FAM135A: variants seen among roughly 807,000 people sequenced by gnomAD.
FAM135A encodes family with sequence similarity 135 member A.
FAM135A carries 79 observed loss-of-function variants against 146.8 expected under a neutral mutation model. The observed-to-expected ratio is 0.54, with a 90% CI of 0.45 to 0.65. FAM135A has a LOEUF of 0.65. FAM135A is among the 30% of genes least tolerant of loss of function. FAM135A has a pLI of 0.00. For synonymous variants in FAM135A, 562 were observed against 603.6 expected, an observed-to-expected ratio of 0.93 and a Z score of 1.01; for missense variants, 1,623 against 1,758.2, an observed-to-expected ratio of 0.92 and a Z score of 1.38.
chr6:70,476,621 T>C (rs567681184), intron 7 of FAM135A, among the ~76,000 whole-genome samples: 1 of 152,262 alleles, frequency 6.6e-6, no homozygotes, highest in East Asian at 1.9e-4. Flanking sequence ...TAATTGGATA[T>C]AATTTTCATG....
At chr6:70,538,541 A>T (rs892246333) in intron 20 of FAM135A, 140 bp downstream of exon 20, 1 of 434,808 alleles carries the variant, frequency 2.3e-6, no homozygotes, top group African/African-American at 2.0e-5. Flanking sequence ...ATAATGAAAC[A>T]GCAAACTCAG....
At chr6:70,435,069 G>T (rs1177426334) in intron 4 of FAM135A, among the ~76,000 whole-genome samples, 1 of 60,032 alleles carries the variant, frequency 1.7e-5, no homozygotes, top group East Asian at 3.4e-4. Context: ...ATACGTGTGT[G>T]TGTGTGTGTG....
At chr6:70,532,884 A>T (rs527875290) in intron 16 of FAM135A, among the ~76,000 whole-genome samples, 1 of 152,214 alleles carries the variant, frequency 6.6e-6, no homozygotes, top group East Asian at 1.9e-4. Context: ...GTGAGTCGAG[A>T]TCATGCCACT....
At chr6:70,557,056 A>C (rs1037215543) in intron 21 of FAM135A, 193 bp downstream of exon 21, 4 of 581,068 alleles carry the variant, frequency 6.9e-6, no homozygotes, top group African/African-American at 5.6e-5. Context: ...CAATGAAGTA[A>C]TACTTTCATC....
chr6:70,486,088 TAAC>T (rs1177126789), intron 10 of FAM135A: 17 of 1,231,536 alleles, frequency 1.4e-5, no homozygotes, highest in Admixed American at 2.0e-5. Flanking sequence ...AGTCTATTAT[TAAC>T]AAGTTGGAAA....
At chr6:70,531,367 A>G (rs747062055) in intron 16 of FAM135A, among the ~76,000 whole-genome samples, 1 of 152,232 alleles carries the variant, frequency 6.6e-6, no homozygotes, top group Non-Finnish European at 1.5e-5. Flanking sequence ...ATACTGGTAA[A>G]GCCATGTTTC....
At chr6:70,485,295 A>G (rs1333970547) in intron 10 of FAM135A, among the ~76,000 whole-genome samples, 1 of 152,102 alleles carries the variant, frequency 6.6e-6, no homozygotes, top group African/African-American at 2.4e-5. Context: ...AATATTGGTA[A>G]TATATTGTGG....
At chr6:70,449,217 A>G (rs1776501007) in intron 4 of FAM135A, among the ~76,000 whole-genome samples, 1 of 152,168 alleles carries the variant, frequency 6.6e-6, no homozygotes, top group Non-Finnish European at 1.5e-5. Flanking sequence ...AAGCTAATTA[A>G]CGTATTTATC....
intron 21 of FAM135A, 85 bp from the exon 22 acceptor site, chr6:70,559,631 T>TTAG: frequency 8.7e-7 from 1 of 1,150,090 alleles, no homozygotes; most frequent in African/African-American, 1.6e-5. Flanking sequence ...AACTAAATTT[T>TTAG]ATAACTTATC....
chr6:70,460,841 T>A (rs1232644805), intron 5 of FAM135A, among the ~76,000 whole-genome samples: 2 of 150,622 alleles, frequency 1.3e-5, no homozygotes, highest in African/African-American at 5.0e-5. Context: ...GATAGATAGA[T>A]AGCTATCTTT....
chr6:70,529,733 C>T (rs1183984619), intron 16 of FAM135A, among the ~76,000 whole-genome samples: 1 of 152,080 alleles, frequency 6.6e-6, no homozygotes, highest in Non-Finnish European at 1.5e-5. Flanking sequence ...CACACCAACA[C>T]CTGCCGCCAA....
chr6:70,545,746 C>T (rs1156531622), intron 20 of FAM135A, among the ~76,000 whole-genome samples: 1 of 152,186 alleles, frequency 6.6e-6, no homozygotes, highest in South Asian at 2.1e-4. Flanking sequence ...TAAACACATA[C>T]ATATTAGCTT....
chr6:70,520,653 AAAT>A (rs1793355565), intron 12 of FAM135A, among the ~76,000 whole-genome samples: 2 of 148,232 alleles, frequency 1.3e-5, no homozygotes, highest in Admixed American at 1.3e-4. Flanking sequence ...ATGCATGCCA[AAAT>A]ACATACATAT....
intron 12 of FAM135A, chr6:70,513,202 A>G (rs1791430329): frequency 6.6e-6 from 1 of 151,788 alleles, no homozygotes; most frequent in Non-Finnish European, 1.5e-5. Flanking sequence ...TCTTGCAGCC[A>G]GGTAATAGCA....
chr6:70,506,585 A>G (rs1789814786), intron 12 of FAM135A, among the ~76,000 whole-genome samples: 1 of 152,086 alleles, frequency 6.6e-6, no homozygotes, highest in Non-Finnish European at 1.5e-5. Context: ...TAAAGCTAAG[A>G]GGAGAGTTGA....
chr6:70,464,654 CTTTCTTTTT>C (rs368075466), intron 5 of FAM135A, among the ~76,000 whole-genome samples: 15,009 of 131,294 alleles, frequency 0.11, 845 homozygotes, highest in Middle Eastern at 0.17. Flanking sequence ...TTCTTTCTTT[CTTTCTTTTT>C]TTTCTTTTTT....
At chr6:70,468,441 A>G (rs990714554) in intron 5 of FAM135A, among the ~76,000 whole-genome samples, 10 of 152,180 alleles carry the variant, frequency 6.6e-5, no homozygotes, top group African/African-American at 2.4e-4. Flanking sequence ...AATTGTGACC[A>G]AAAACCCACC....
chr6:70,438,733 G>C (rs1773788960), intron 4 of FAM135A, among the ~76,000 whole-genome samples: 1 of 152,216 alleles, frequency 6.6e-6, no homozygotes, highest in Non-Finnish European at 1.5e-5. Flanking sequence ...CTCTTATGCA[G>C]AGGTTGCTAA....
At chr6:70,528,519 A>G in intron 16 of FAM135A, 67 bp downstream of exon 16, 2 of 1,329,518 alleles carry the variant, frequency 1.5e-6, no homozygotes, top group Non-Finnish European at 2.0e-6. Flanking sequence ...GATCTCATTT[A>G]GTTTCATTTA....
Sources: gnomAD v4.1 joint callset for allele counts (sites outside exome capture counted in the v4.1 genomes callset) on GRCh38, gnomAD v4.1.1 for gene constraint, MANE v1.5 for transcripts, NCBI Gene and HGNC (gene_info 2026-07-23, HGNC 2026-07-21) for gene names.